Variants in AFF2 observed in about 807,000 individuals in gnomAD.
AFF2 encodes ALF transcription elongation factor 2.
In AFF2, 14 loss-of-function variants were observed where a neutral mutation model predicts 76.9. The observed-to-expected ratio is 0.18, with a 90% CI of 0.12 to 0.28. AFF2 has a LOEUF of 0.28. Among genes scored for constraint, AFF2 ranks in the 10% least tolerant of loss-of-function variants. AFF2 has a pLI of 1.00. For synonymous variants in AFF2, 398 were observed against 366.7 expected (o/e 1.09, Z -0.98); for missense variants, 868 against 1,001.1 (o/e 0.87, Z 1.79).
Position 148,997,032 on chromosome X carries a change from C to T in AFF2, c.*5700C>T, listed in dbSNP as rs1222127858. On this transcript the variant is annotated 3_prime_UTR_variant, in exon 21 of 21. Transcript: ENST00000370460. Reference sequence around the variant, plus strand: ...AAACTCAGTAATTCTCCCACCTTCACATTGTTGTTCATAAGAATTTTACTT... The same window carrying T: ...AAACTCAGTAATTCTCCCACCTTCATATTGTTGTTCATAAGAATTTTACTT... The T allele has an allele frequency of 8.9e-6, 1 of 111,797 alleles. No individual in the cohort carries two copies. The highest frequency in any genetic ancestry group is 3.3e-5 in the African/African-American group (1 of 30,675). The allele number at this position is 111,797 out of a possible 1,213,427, so 9.2% of individuals were successfully genotyped here.
chrX:148,833,560 C>T (rs1307703116), intron 4 of AFF2, among the ~76,000 whole-genome samples: 1 of 107,557 alleles, frequency 9.3e-6, no homozygotes, highest in African/African-American at 3.4e-5. Flanking sequence ...CAATATGGCG[C>T]CACTGCACTC....
At chrX:148,576,676 T>C (rs1283163126) in intron 1 of AFF2, among the ~76,000 whole-genome samples, 1 of 110,909 alleles carries the variant, frequency 9.0e-6, no homozygotes, top group Non-Finnish European at 1.9e-5. Flanking sequence ...TTATAAGAAT[T>C]AGGCACATTT....
At chrX:148,736,282 G>GT (rs1317965404) in intron 3 of AFF2, among the ~76,000 whole-genome samples, 1 of 111,832 alleles carries the variant, frequency 8.9e-6, no homozygotes, top group African/African-American at 3.2e-5. Context: ...AACATCTACT[G>GT]TTTTTTGATT....
chrX:148,670,583 T>C (rs1249757489), intron 3 of AFF2, among the ~76,000 whole-genome samples: 2 of 111,682 alleles, frequency 1.8e-5, no homozygotes, highest in African/African-American at 6.5e-5. Flanking sequence ...ATCTTGAATT[T>C]GTAGGCAATG....
At chrX:148,944,967 T>G (rs1364612992) in intron 9 of AFF2, among the ~76,000 whole-genome samples, 5 of 111,747 alleles carry the variant, frequency 4.5e-5, no homozygotes, top group Non-Finnish European at 9.4e-5. Flanking sequence ...GAGTATCTAA[T>G]TTATCGTGTT....
Position 148,955,836 on chromosome X carries a change from T to G in AFF2, c.1791T>G (p.Arg597=). ...PLLSLIREKA[R]PRPTQKIPET... ...TCAGTCTCATTAGGGAGAAAGCCCG[T>G]CCACGGCCCACTCAGAAAATTCCAG... Residue 597 remains arginine (R), a synonymous_variant, in exon 11 of 21, where the codon CGT becomes CGG. Coordinates refer to ENST00000370460, the MANE Select transcript of AFF2 (RefSeq NM_002025.4). The G allele has an allele frequency of 1.7e-6, 2 of 1,211,479 alleles. No individual in the cohort carries two copies. The highest frequency in any genetic ancestry group is 4.3e-5 in the Admixed American group (2 of 46,004).
intron 15 of AFF2, among the ~76,000 whole-genome samples, chrX:148,970,201 C>T (rs1436511005): frequency 8.9e-6 from 1 of 112,026 alleles, no homozygotes; most frequent in Non-Finnish European, 1.9e-5. Context: ...TGATTGAAAC[C>T]GATATTTCTC....
intron 11 of AFF2, among the ~76,000 whole-genome samples, chrX:148,958,090 C>CA (rs1189721254): frequency 9.0e-6 from 1 of 111,701 alleles, no homozygotes; most frequent in Non-Finnish European, 1.9e-5. Flanking sequence ...CCATGCCACC[C>CA]AGTCTTTACA....
intron 13 of AFF2, among the ~76,000 whole-genome samples, chrX:148,965,347 A>T (rs1347977629): frequency 6.2e-5 from 7 of 112,237 alleles, no homozygotes; most frequent in Non-Finnish European, 1.1e-4. Flanking sequence ...GATGAAATAG[A>T]GGAATTGTTT....
At chrX:148,694,181 G>C (rs970998198) in intron 3 of AFF2, among the ~76,000 whole-genome samples, 48 of 103,175 alleles carry the variant, frequency 4.7e-4, no homozygotes, top group Non-Finnish European at 7.7e-4. Flanking sequence ...GGGTCGGGGG[G>C]GGGGAGGGAT....
At position 148,945,756 on chromosome X, in the gene AFF2, G is replaced by A. The variant is rs139743909; in HGVS notation, c.1398-7824G>A. Among the ~76,000 whole-genome samples the A allele has an allele frequency of 5.6e-3, 633 of 112,424 alleles. 3 individuals carry two copies. The highest frequency in any genetic ancestry group is 0.019 in the African/African-American group (595 of 30,939). On this transcript the variant is annotated intron_variant, in intron 9 of 20. Transcript: ENST00000370460. ...TATATTATCCCCATTTTACAGGTAA[G>A]GAAACTGAGACCCTTATGTTAAGTG...
intron 1 of AFF2, among the ~76,000 whole-genome samples, chrX:148,629,355 A>T (rs1557252696): frequency 8.9e-6 from 1 of 112,236 alleles, no homozygotes; most frequent in Non-Finnish European, 1.9e-5. Context: ...TTGTTAGTTT[A>T]CTTTAATGAA....
At chrX:148,625,053 C>T (rs2053909165) in intron 1 of AFF2, among the ~76,000 whole-genome samples, 1 of 110,837 alleles carries the variant, frequency 9.0e-6, no homozygotes, top group South Asian at 3.9e-4. Context: ...TCTATCTCTG[C>T]AGGCTTCTGT....
chrX:148,682,318 CA>C (rs1386031832), intron 3 of AFF2, among the ~76,000 whole-genome samples: 1 of 112,067 alleles, frequency 8.9e-6, no homozygotes, highest in Non-Finnish European at 1.9e-5. Context: ...GTACTTTCAG[CA>C]CATGCACCAT....
At chrX:148,965,895 G>A (rs1186433422) in intron 13 of AFF2, among the ~76,000 whole-genome samples, 2 of 111,659 alleles carry the variant, frequency 1.8e-5, no homozygotes, top group Admixed American at 1.9e-4. Context: ...GGAAGAGGAG[G>A]CACCATGGGA....
intron 4 of AFF2, among the ~76,000 whole-genome samples, chrX:148,824,618 GAAATTTAAT>G (rs2070366167): frequency 8.9e-6 from 1 of 112,093 alleles, no homozygotes; most frequent in Admixed American, 9.4e-5. Context: ...GGTGACAAGG[GAAATTTAAT>G]AAATTCGTGC....
At chrX:148,539,490 T>C (rs1265695956) in intron 1 of AFF2, among the ~76,000 whole-genome samples, 1 of 110,951 alleles carries the variant, frequency 9.0e-6, no homozygotes, top group Non-Finnish European at 1.9e-5. Context: ...GATTAGGTGT[T>C]CAGCACATGG....
At chrX:148,878,823 T>TG (rs1392999308) in intron 7 of AFF2, among the ~76,000 whole-genome samples, 1 of 112,555 alleles carries the variant, frequency 8.9e-6, no homozygotes. Context: ...ACTGTTTCGT[T>TG]GTGAGTAACA....
intron 5 of AFF2, among the ~76,000 whole-genome samples, chrX:148,840,781 CTT>C (rs1472378559): frequency 8.9e-6 from 1 of 112,154 alleles, no homozygotes; most frequent in Non-Finnish European, 1.9e-5. Flanking sequence ...TGTAAAGTAA[CTT>C]TGGTGATATA....
Sources: allele counts gnomAD v4.1 joint callset (sites outside exome capture counted in the v4.1 genomes callset), GRCh38; gene constraint gnomAD v4.1.1; transcripts MANE v1.5; gene names NCBI Gene and HGNC (gene_info 2026-07-23, HGNC 2026-07-21).